Variants in EYS observed in about 807,000 individuals in gnomAD.
EYS encodes the protein protein eyes shut homolog.
Under a neutral mutation model 282.1 loss-of-function variants are expected in EYS, and 250 were observed. The ratio of observed to expected loss-of-function variants is 0.89; its 90% CI spans 0.80 to 0.98. The LOEUF (loss-of-function observed/expected upper bound fraction) is 0.98, where lower values mean the gene tolerates loss of function less well. Among genes scored for constraint, EYS ranks in the 50% least tolerant of loss-of-function variants. The probability of loss-of-function intolerance (pLI) is 0.00; values close to 1 mark genes in which losing one functional copy is unlikely to be tolerated. For synonymous variants in EYS, 1,355 were observed against 1,282.9 expected, an observed-to-expected ratio of 1.06 and a Z score of -1.20; for missense variants, 4,016 against 3,709.0, an observed-to-expected ratio of 1.08 and a Z score of -2.15.
At chr6:65,481,649 C>T (rs985320222) in intron 5 of EYS, among the ~76,000 whole-genome samples, 1 of 152,066 alleles carries the variant, frequency 6.6e-6, no homozygotes, top group Non-Finnish European at 1.5e-5. Flanking sequence ...CCCGGGTTCA[C>T]GCCATTCTCC....
intron 14 of EYS, among the ~76,000 whole-genome samples, chr6:64,966,942 CAT>C (rs1770113941): frequency 6.6e-6 from 1 of 152,158 alleles, no homozygotes; most frequent in Non-Finnish European, 1.5e-5. Context: ...TACTCTCTGG[CAT>C]TCTATATACA....
chr6:64,658,698 G>A (rs1768862493), intron 22 of EYS, among the ~76,000 whole-genome samples: 1 of 152,162 alleles, frequency 6.6e-6, no homozygotes, highest in Admixed American at 6.6e-5. Flanking sequence ...TGTTGCTACT[G>A]GATCAATCCT....
intron 24 of EYS, among the ~76,000 whole-genome samples, chr6:64,598,897 T>A (rs960246913): frequency 1.3e-5 from 2 of 152,210 alleles, no homozygotes; most frequent in Non-Finnish European, 2.9e-5. Flanking sequence ...GCCAGGGAAG[T>A]CTTCTCTGAA....
At chr6:63,985,723 C>T (rs190103863) in intron 34 of EYS, among the ~76,000 whole-genome samples, 1 of 151,770 alleles carries the variant, frequency 6.6e-6, no homozygotes, top group African/African-American at 2.4e-5. Context: ...TACTGGCTAG[C>T]CATATGCAGA....
intron 36 of EYS, among the ~76,000 whole-genome samples, chr6:63,844,703 G>A (rs1029465635): frequency 1.3e-5 from 2 of 151,896 alleles, no homozygotes; most frequent in East Asian, 1.9e-4. Flanking sequence ...TTTTAATGGG[G>A]CTGTTTATTT....
intron 12 of EYS, among the ~76,000 whole-genome samples, chr6:65,233,451 T>G (rs1766841595): frequency 6.6e-6 from 1 of 152,296 alleles, no homozygotes; most frequent in African/African-American, 2.4e-5. Context: ...ATTTTTAATC[T>G]TTGAGTCTAA....
chr6:64,932,677 A>G (rs1768765571), intron 15 of EYS, among the ~76,000 whole-genome samples: 1 of 152,040 alleles, frequency 6.6e-6, no homozygotes, highest in South Asian at 2.1e-4. Flanking sequence ...AGTAAAGAAT[A>G]AAGTACAGTT....
At chr6:64,333,570 C>T (rs1236531698) in intron 29 of EYS, among the ~76,000 whole-genome samples, 2 of 151,772 alleles carry the variant, frequency 1.3e-5, no homozygotes, top group Non-Finnish European at 3.0e-5. Flanking sequence ...GAACATGCAA[C>T]CCACTCAATC....
intron 24 of EYS, among the ~76,000 whole-genome samples, chr6:64,604,161 C>T (rs1341260224): frequency 2.6e-5 from 4 of 151,896 alleles, no homozygotes; most frequent in Non-Finnish European, 4.4e-5. Context: ...GAGTCATTGC[C>T]TGGGACACTG....
At chr6:63,946,248 CT>C (rs1428923030) in intron 35 of EYS, among the ~76,000 whole-genome samples, 1 of 152,182 alleles carries the variant, frequency 6.6e-6, no homozygotes, top group Non-Finnish European at 1.5e-5. Context: ...GGACTTTTCA[CT>C]GTATTCATTT....
intron 12 of EYS, among the ~76,000 whole-genome samples, chr6:65,078,488 G>T (rs557345465): frequency 6.6e-6 from 1 of 152,032 alleles, no homozygotes; most frequent in Admixed American, 6.6e-5. Context: ...AAAAAGTAAA[G>T]GTCAAAGGAG....
At position 63,721,035 on chromosome 6, in the gene EYS, C is replaced by G. The variant is rs761023810; in HGVS notation, c.8996G>C (p.Gly2999Ala). The change falls in exon 43 of 43, where the codon GGA (glycine) becomes GCA (alanine). Residue 2999 changes from glycine to alanine, a missense_variant. By Grantham distance (60) the Gly-to-Ala change is moderately conservative. Coordinates refer to ENST00000503581, the MANE Select transcript of EYS (RefSeq NM_001142800.2). ...ATCATTTTCTTCATTTTGAGCTATT[C>G]CCATCCATACAATTAGACCTTCTGT... Reference protein sequence around the residue: ...TKTEGLIVWMGIAQNEENDFL... With the variant: ...TKTEGLIVWMAIAQNEENDFL... 1.3e-6 allele frequency: 2 copies of G among 1,551,172 alleles called. No homozygotes were observed. The highest frequency in any genetic ancestry group is 1.7e-6 in the Non-Finnish European group (2 of 1,146,706).
chr6:64,786,238 A>G (rs1774016047), intron 22 of EYS, among the ~76,000 whole-genome samples: 1 of 151,234 alleles, frequency 6.6e-6, no homozygotes. Context: ...AATAGGCAAA[A>G]AGGGGCAAGA....
intron 22 of EYS, among the ~76,000 whole-genome samples, chr6:64,634,718 A>G (rs1362417309): frequency 3.3e-5 from 5 of 151,816 alleles, no homozygotes; most frequent in East Asian, 1.9e-4. Context: ...GTCAAAAAAC[A>G]TCTAAGAAAA....
intron 35 of EYS, among the ~76,000 whole-genome samples, chr6:63,954,082 A>G (rs1582024262): frequency 6.6e-6 from 1 of 152,170 alleles, no homozygotes; most frequent in East Asian, 1.9e-4. Flanking sequence ...CACAATTACC[A>G]TTGTTCCTGG....
At chr6:64,068,048 T>C (rs1455795259) in intron 32 of EYS, among the ~76,000 whole-genome samples, 1 of 152,148 alleles carries the variant, frequency 6.6e-6, no homozygotes, top group Non-Finnish European at 1.5e-5. Flanking sequence ...ATAAATATGA[T>C]TAACTTTAGT....
chr6:64,264,798 AG>A (rs1339700060), intron 30 of EYS, among the ~76,000 whole-genome samples: 1 of 151,976 alleles, frequency 6.6e-6, no homozygotes, highest in Non-Finnish European at 1.5e-5. Context: ...CGTCTATTCA[AG>A]AGGCTGAGGC....
intron 18 of EYS, among the ~76,000 whole-genome samples, chr6:64,901,565 T>C (rs1210537622): frequency 6.6e-6 from 1 of 151,988 alleles, no homozygotes; most frequent in Admixed American, 6.6e-5. Context: ...AATGTGACCA[T>C]GTTTACCCAA....
intron 12 of EYS, among the ~76,000 whole-genome samples, chr6:65,101,922 C>G (rs1436432280): frequency 6.6e-6 from 1 of 151,180 alleles, no homozygotes; most frequent in Admixed American, 6.6e-5. Context: ...TCCAGGTCTC[C>G]CAGACACATT....
Sources: allele counts gnomAD v4.1 joint callset (sites outside exome capture counted in the v4.1 genomes callset), GRCh38; gene constraint gnomAD v4.1.1; transcripts MANE v1.5; gene names NCBI Gene and HGNC (gene_info 2026-07-23, HGNC 2026-07-21).